Variants in TMEM135 observed in about 807,000 individuals in gnomAD.
TMEM135 encodes the protein peroxisomal membrane protein 52.
In TMEM135, 30 loss-of-function variants were observed where a neutral mutation model predicts 60.3. The ratio of observed to expected loss-of-function variants is 0.50; its 90% CI spans 0.37 to 0.68. TMEM135 has a LOEUF of 0.68. Among genes scored for constraint, TMEM135 ranks in the 30% least tolerant of loss-of-function variants. The probability of loss-of-function intolerance (pLI) is 0.00; values close to 1 mark genes in which losing one functional copy is unlikely to be tolerated. For synonymous variants in TMEM135, 190 were observed against 186.7 expected (o/e 1.02, Z -0.14); for missense variants, 468 against 548.8 (o/e 0.85, Z 1.47).
At chr11:87,313,736 G>A (rs1028231338) in intron 11 of TMEM135, among the ~76,000 whole-genome samples, 2 of 151,600 alleles carry the variant, frequency 1.3e-5, no homozygotes, top group Admixed American at 1.3e-4. Context: ...AAATCCTAGC[G>A]AATGTGTCAC....
intron 6 of TMEM135, among the ~76,000 whole-genome samples, chr11:87,267,304 G>A (rs1591153998): frequency 6.6e-6 from 1 of 152,110 alleles, no homozygotes; most frequent in African/African-American, 2.4e-5. Context: ...TAGATATATA[G>A]GAAAAGATAG....
chr11:87,279,508 G>A (rs530399087), intron 6 of TMEM135, among the ~76,000 whole-genome samples: 1 of 152,334 alleles, frequency 6.6e-6, no homozygotes, highest in Admixed American at 6.5e-5. Flanking sequence ...ATCACATGAT[G>A]TAGGTCCTAT....
intron 4 of TMEM135, chr11:87,095,603 T>C (rs780819600): frequency 1.0e-4 from 21 of 205,696 alleles, no homozygotes; most frequent in African/African-American, 1.9e-4. Context: ...CTAAGGCAAA[T>C]TGATTACTGT....
intron 4 of TMEM135, among the ~76,000 whole-genome samples, chr11:87,101,289 G>A (rs2512489): frequency 0.35 from 53,301 of 151,940 alleles, 9,766 homozygotes; most frequent in East Asian, 0.65. Context: ...GCCACAGTAT[G>A]ATTTAAAAGA....
chr11:87,159,145 G>A (rs496834), intron 5 of TMEM135, among the ~76,000 whole-genome samples: 36,330 of 151,996 alleles, frequency 0.24, 5,133 homozygotes, highest in East Asian at 0.61. Context: ...TAATTATTAG[G>A]TGTTGTTCCA....
At chr11:87,304,389 A>G (rs953003917) in intron 8 of TMEM135, among the ~76,000 whole-genome samples, 2 of 152,238 alleles carry the variant, frequency 1.3e-5, no homozygotes, top group Middle Eastern at 3.4e-3. Context: ...ACTTAGAAAA[A>G]AAAAGGAAAC....
intron 6 of TMEM135, among the ~76,000 whole-genome samples, chr11:87,256,719 AAAT>A (rs1474032166): frequency 1.3e-5 from 2 of 152,188 alleles, no homozygotes; most frequent in African/African-American, 4.8e-5. Context: ...TGATTGAACA[AAAT>A]AATAATAATT....
intron 3 of TMEM135, among the ~76,000 whole-genome samples, chr11:87,073,693 A>G (rs1856815953): frequency 6.6e-6 from 1 of 151,006 alleles, no homozygotes; most frequent in South Asian, 2.1e-4. Context: ...TTTGAGACGG[A>G]GTCTCGCTCT....
At chr11:87,278,409 C>T (rs1328897015) in intron 6 of TMEM135, among the ~76,000 whole-genome samples, 8 of 148,890 alleles carry the variant, frequency 5.4e-5, no homozygotes, top group Non-Finnish European at 7.4e-5. Context: ...CAGAGTCTCA[C>T]TCTGTCACCC....
At chr11:87,321,038 G>A (rs1166582187) in intron 14 of TMEM135, among the ~76,000 whole-genome samples, 163 bp from the exon 15 acceptor site, 3 of 152,028 alleles carry the variant, frequency 2.0e-5, no homozygotes, top group African/African-American at 7.2e-5. Flanking sequence ...AGTGTATCTC[G>A]AAGAAGAGCC....
Position 87,242,119 on chromosome 11 carries a change from G to C in TMEM135, c.509+5435G>C, listed in dbSNP as rs1428256971. ...ATGCGGTGTTTGGTTTTTTGTCCTT[G>C]CGATAGTTTACTGAGAATGATGATT... On this transcript the variant is annotated intron_variant, in intron 6 of 14. Transcript: ENST00000305494. Among the ~76,000 whole-genome samples the C allele has an allele frequency of 3.3e-5, 5 of 149,730 alleles. No homozygotes were observed. The East Asian group carries it at 8.0e-4, about 24-fold the overall frequency.
At chr11:87,159,593 G>GCACACACACACACACACACACA (rs146638445) in intron 5 of TMEM135, among the ~76,000 whole-genome samples, 3 of 124,966 alleles carry the variant, frequency 2.4e-5, no homozygotes, top group East Asian at 4.2e-4. Flanking sequence ...ACACACACGC[G>GCACACACACACACACACACACA]CACACACACA....
intron 1 of TMEM135, among the ~76,000 whole-genome samples, chr11:87,042,957 T>G (rs1165238344): frequency 7.9e-6 from 1 of 126,908 alleles, no homozygotes; most frequent in Non-Finnish European, 1.6e-5. Flanking sequence ...TAGTTTTGTT[T>G]TGTTTTTTTT....
chr11:87,241,626 C>T (rs1231123491), intron 6 of TMEM135, among the ~76,000 whole-genome samples: 19 of 151,928 alleles, frequency 1.3e-4, no homozygotes, highest in Admixed American at 1.2e-3. Context: ...TATTTTTGTA[C>T]TCATTAACAA....
intron 5 of TMEM135, among the ~76,000 whole-genome samples, chr11:87,176,231 C>A (rs1040247485): frequency 2.0e-5 from 3 of 151,918 alleles, no homozygotes; most frequent in African/African-American, 4.8e-5. Flanking sequence ...TGTTAGTTCC[C>A]GTGAGAGCTG....
At chr11:87,251,621 GTA>G (rs762093489) in intron 6 of TMEM135, among the ~76,000 whole-genome samples, 51 of 151,326 alleles carry the variant, frequency 3.4e-4, no homozygotes, top group African/African-American at 1.2e-3. Flanking sequence ...ATATATACAT[GTA>G]TATATATGTA....
intron 4 of TMEM135, among the ~76,000 whole-genome samples, chr11:87,131,323 T>C (rs1937921988): frequency 1.2e-5 from 1 of 80,570 alleles, no homozygotes; most frequent in South Asian, 4.0e-4. Flanking sequence ...TCATACAGAA[T>C]AGTTTCACTG....
chr11:87,285,309 G>T (rs1220229736), intron 6 of TMEM135, among the ~76,000 whole-genome samples: 1 of 152,192 alleles, frequency 6.6e-6, no homozygotes, highest in Non-Finnish European at 1.5e-5. Context: ...TTAAAACTAT[G>T]TCTGAAATTG....
intron 5 of TMEM135, among the ~76,000 whole-genome samples, chr11:87,207,329 T>C (rs1252220087): frequency 6.6e-6 from 1 of 152,204 alleles, no homozygotes; most frequent in African/African-American, 2.4e-5. Context: ...TTATTGACTT[T>C]GGAAGTTCCG....
Sources: gnomAD v4.1 joint callset for allele counts (sites outside exome capture counted in the v4.1 genomes callset) on GRCh38, gnomAD v4.1.1 for gene constraint, MANE v1.5 for transcripts, NCBI Gene and HGNC (gene_info 2026-07-23, HGNC 2026-07-21) for gene names.